The following SESTD1 variants were observed in gnomAD, a reference collection of about 807,000 sequenced individuals.
SESTD1 encodes the protein SEC14 domain and spectrin repeat-containing protein 1.
In SESTD1, 43 loss-of-function variants were observed where a neutral mutation model predicts 101.7. That is an observed-to-expected ratio of 0.42 (90% CI 0.33 to 0.55). SESTD1 has a LOEUF of 0.55. Among genes scored for constraint, SESTD1 ranks in the 20% least tolerant of loss-of-function variants. The pLI, the probability that SESTD1 is intolerant of heterozygous loss-of-function variation, is 0.07. For missense variants in SESTD1, 647 were observed against 815.1 expected, an observed-to-expected ratio of 0.79 and a Z score of 2.51; for synonymous variants, 283 against 286.8, an observed-to-expected ratio of 0.99 and a Z score of 0.13.
intron 1 of SESTD1, among the ~76,000 whole-genome samples, chr2:179,230,577 TA>T (rs1278312649): frequency 6.6e-6 from 1 of 150,586 alleles, no homozygotes; most frequent in African/African-American, 2.4e-5. Context: ...AAAAATAGAG[TA>T]AAACCTTAAT....
chr2:179,196,245 C>A (rs146452223), intron 1 of SESTD1, among the ~76,000 whole-genome samples: 2 of 152,208 alleles, frequency 1.3e-5, no homozygotes, highest in Admixed American at 1.3e-4. Flanking sequence ...TGCGCTTTTC[C>A]GACGGGCTTA....
intron 1 of SESTD1, among the ~76,000 whole-genome samples, chr2:179,198,978 A>C (rs539998605): frequency 6.6e-6 from 1 of 152,348 alleles, no homozygotes; most frequent in African/African-American, 2.4e-5. Context: ...AAGGAAATAG[A>C]GACACAAAAA....
chr2:179,102,109 A>ACAATGGAAATTTCAC lies in SESTD1; in HGVS notation c.*7775_*7789dup, dbSNP rs1281813040. 1.3e-5 allele frequency: 2 copies of ACAATGGAAATTTCAC among 152,148 alleles called. No homozygotes were observed. The highest frequency in any genetic ancestry group is 2.4e-5 in the African/African-American group (1 of 41,442). 9.4% of individuals were successfully genotyped at this position (152,148 alleles called of 1,614,324 possible). A position where few individuals can be genotyped will look rare whatever the true frequency, so the allele number is the denominator to read the frequency against. On this transcript the variant is annotated 3_prime_UTR_variant, in exon 18 of 18. Transcript: ENST00000428443. ...CTTAAAAATGGACTTCTCAGTAGGA[A>ACAATGGAAATTTCAC]CAATGGAAATTTCACCACTGTCTAT...
chr2:179,194,720 G>C (rs1488395912), intron 1 of SESTD1, among the ~76,000 whole-genome samples: 12 of 152,096 alleles, frequency 7.9e-5, no homozygotes, highest in African/African-American at 1.4e-4. Context: ...GCATGAAAAA[G>C]GCCACATAAA....
In SESTD1 at chr2:179,151,410, A is replaced by G. The variant is rs373278423; in HGVS notation, c.370-19T>C. On this transcript the variant is annotated intron_variant, in intron 5 of 17. Transcript: ENST00000428443. ...AAATAACCTATAAAAAGGTTAAAAG[A>G]AAAGAAACATTTAGTAACCCACTAT... The G allele has an allele frequency of 3.1e-5, 48 of 1,559,034 alleles. No homozygotes were observed. In the African/African-American group the frequency reaches 6.5e-4, roughly 21 times the overall value.
At chr2:179,177,599 A>G (rs1214262331) in intron 3 of SESTD1, among the ~76,000 whole-genome samples, 1 of 152,210 alleles carries the variant, frequency 6.6e-6, no homozygotes. Context: ...AGAAACACTA[A>G]GACCACAAGA....
chr2:179,156,579 T>C (rs2045635955), intron 5 of SESTD1, among the ~76,000 whole-genome samples: 1 of 152,240 alleles, frequency 6.6e-6, no homozygotes, highest in Non-Finnish European at 1.5e-5. Context: ...TCATTAGTGA[T>C]GTTGAGCATT....
At chr2:179,129,792 A>G (rs148307790) in intron 10 of SESTD1, among the ~76,000 whole-genome samples, 74 of 152,338 alleles carry the variant, frequency 4.9e-4, no homozygotes, top group Middle Eastern at 6.8e-3. Context: ...TAAAATATTC[A>G]TCCAGCATCA....
chr2:179,126,378 T>C (rs2044875064), intron 10 of SESTD1, among the ~76,000 whole-genome samples: 1 of 152,128 alleles, frequency 6.6e-6, no homozygotes, highest in African/African-American at 2.4e-5. Flanking sequence ...CTCCTTCAAA[T>C]GGCCTTTTCT....
chr2:179,167,623 A>C (rs1358319047), intron 5 of SESTD1, among the ~76,000 whole-genome samples: 1 of 146,940 alleles, frequency 6.8e-6, no homozygotes, highest in South Asian at 2.1e-4. Context: ...AAAAATCTTG[A>C]AAGTGCCTGA....
At chr2:179,245,239 G>A (rs2047212008) in intron 1 of SESTD1, among the ~76,000 whole-genome samples, 1 of 151,970 alleles carries the variant, frequency 6.6e-6, no homozygotes, top group South Asian at 2.1e-4. Context: ...CAGATGAGCT[G>A]GGCACGTTGG....
At chr2:179,172,093 G>A in intron 5 of SESTD1, 27 bp downstream of exon 5, 1 of 1,356,984 alleles carries the variant, frequency 7.4e-7, no homozygotes, top group Non-Finnish European at 1.0e-6. Context: ...AGATATAATG[G>A]ACTTTAAAAA....
At chr2:179,188,736 CA>C (rs2046273860) in intron 2 of SESTD1, among the ~76,000 whole-genome samples, 1 of 151,996 alleles carries the variant, frequency 6.6e-6, no homozygotes, top group Non-Finnish European at 1.5e-5. Context: ...AGAGGAGATC[CA>C]AATAAGGACA....
At chr2:179,224,809 A>C (rs960835624) in intron 1 of SESTD1, among the ~76,000 whole-genome samples, 5 of 152,108 alleles carry the variant, frequency 3.3e-5, no homozygotes, top group African/African-American at 1.2e-4. Flanking sequence ...TGGAATGTCG[A>C]CCAGAGGTCA....
intron 1 of SESTD1, among the ~76,000 whole-genome samples, chr2:179,194,818 G>A (rs1393552393): frequency 6.6e-6 from 1 of 152,146 alleles, no homozygotes; most frequent in East Asian, 1.9e-4. Flanking sequence ...CTGAGGCTAT[G>A]AGAAAATATA....
chr2:179,117,788 T>G (rs2044666064), intron 13 of SESTD1, among the ~76,000 whole-genome samples, 175 bp from the exon 14 acceptor site: 1 of 152,194 alleles, frequency 6.6e-6, no homozygotes, highest in African/African-American at 2.4e-5. Flanking sequence ...TATATCAATG[T>G]TACATCAAAA....
chr2:179,143,538 G>T, intron 9 of SESTD1, 54 bp downstream of exon 9: 2 of 1,501,966 alleles, frequency 1.3e-6, no homozygotes, highest in Non-Finnish European at 1.8e-6. Context: ...CAGTCACATA[G>T]TAGAAATTAT....
At chr2:179,159,440 C>A (rs17454311) in intron 5 of SESTD1, among the ~76,000 whole-genome samples, 35,155 of 152,038 alleles carry the variant, frequency 0.23, 4,330 homozygotes, top group South Asian at 0.42. Context: ...AGACCAAATT[C>A]AAATGTGCAA....
chr2:179,190,071 A>C (rs2046298104), intron 2 of SESTD1, among the ~76,000 whole-genome samples: 1 of 149,724 alleles, frequency 6.7e-6, no homozygotes, highest in South Asian at 2.1e-4. Flanking sequence ...ATATGGAAAC[A>C]AAAAAAAGCC....
Sources: allele counts gnomAD v4.1 joint callset (sites outside exome capture counted in the v4.1 genomes callset), GRCh38; gene constraint gnomAD v4.1.1; transcripts MANE v1.5; gene names NCBI Gene and HGNC (gene_info 2026-07-23, HGNC 2026-07-21).